Variants in ASTN2 observed in about 807,000 individuals in gnomAD.
ASTN2 encodes the protein astrotactin 2, also known as astrotactin-2.
A neutral mutation model predicts 139.8 loss-of-function variants in ASTN2; 54 were observed. The ratio of observed to expected loss-of-function variants is 0.39; its 90% confidence interval spans 0.31 to 0.48. ASTN2 has a LOEUF of 0.48. Ranked by LOEUF, ASTN2 falls within the 20% of genes least tolerant of loss-of-function variation. The pLI, the probability that ASTN2 is intolerant of heterozygous loss-of-function variation, is 0.95. For synonymous variants in ASTN2, 756 were observed against 719.5 expected, an observed-to-expected ratio of 1.05 and a Z score of -0.81; for missense variants, 1,565 against 1,725.1, an observed-to-expected ratio of 0.91 and a Z score of 1.64.
At chr9:117,389,545 C>A (rs1473458903) in intron 1 of ASTN2, among the ~76,000 whole-genome samples, 1 of 152,142 alleles carries the variant, frequency 6.6e-6, no homozygotes. Flanking sequence ...AGGGTATGGG[C>A]ACCCTTTGTC....
At chr9:116,974,654 G>A (rs749426499) in intron 10 of ASTN2, among the ~76,000 whole-genome samples, 32 of 151,852 alleles carry the variant, frequency 2.1e-4, no homozygotes, top group South Asian at 6.2e-4. Flanking sequence ...GATTATAGGC[G>A]TGCACCATCA....
chr9:117,087,355 C>T, intron 5 of ASTN2, among the ~76,000 whole-genome samples: 1 of 152,060 alleles, frequency 6.6e-6, no homozygotes, highest in East Asian at 1.9e-4. Flanking sequence ...CAGCCTCAGC[C>T]TCCTGAGTAG....
intron 19 of ASTN2, chr9:116,611,058 A>G (rs1308054574): frequency 6.6e-6 from 1 of 152,186 alleles, no homozygotes; most frequent in Non-Finnish European, 1.5e-5. Context: ...AGTCTCAATA[A>G]ATTTAAAATG....
intron 1 of ASTN2, among the ~76,000 whole-genome samples, chr9:117,306,490 C>T (rs77728581): frequency 0.08 from 12,184 of 152,146 alleles, 650 homozygotes; most frequent in South Asian, 0.11. Flanking sequence ...CTGTTTCACC[C>T]GGGGAACGCA....
At chr9:117,115,947 C>T (rs189384192) in intron 4 of ASTN2, among the ~76,000 whole-genome samples, 4 of 151,594 alleles carry the variant, frequency 2.6e-5, no homozygotes, top group South Asian at 2.1e-4. Context: ...ATGGCGTGAA[C>T]CCAGAAGGCG....
chr9:116,888,791 C>T (rs1833683630), intron 10 of ASTN2, among the ~76,000 whole-genome samples: 1 of 152,114 alleles, frequency 6.6e-6, no homozygotes, highest in Non-Finnish European at 1.5e-5. Flanking sequence ...CTGCACCTAT[C>T]AACCCATCAC....
chr9:117,217,955 A>G (rs1191126356), intron 2 of ASTN2, among the ~76,000 whole-genome samples: 1 of 152,212 alleles, frequency 6.6e-6, no homozygotes, highest in African/African-American at 2.4e-5. Context: ...ATCATCCTAC[A>G]TTAAGTTGGA....
At chr9:116,628,277 T>G (rs1856561675) in intron 17 of ASTN2, among the ~76,000 whole-genome samples, 1 of 151,658 alleles carries the variant, frequency 6.6e-6, no homozygotes, top group African/African-American at 2.4e-5. Flanking sequence ...ATGAAAAGAG[T>G]AAAGAGACAA....
chr9:116,645,880 G>T (rs1857564541), intron 17 of ASTN2, among the ~76,000 whole-genome samples: 1 of 152,142 alleles, frequency 6.6e-6, no homozygotes, highest in Admixed American at 6.5e-5. Context: ...TACCAGCAAA[G>T]TTTTCAAGTA....
intron 19 of ASTN2, among the ~76,000 whole-genome samples, chr9:116,512,385 G>C (rs1220718523): frequency 6.6e-6 from 1 of 152,142 alleles, no homozygotes; most frequent in Non-Finnish European, 1.5e-5. Context: ...TTTAATTTCT[G>C]TTCTTTTACA....
In ASTN2 at chr9:116,537,715, C is replaced by A. The variant is rs996891823; in HGVS notation, c.3356-50215G>T. On this transcript the variant is annotated intron_variant, in intron 19 of 22. Transcript: ENST00000313400. ...AAAATCAGAGAACTCCACTGACTAT[C>A]ATAGAATCAGAAGAGCTGAGGCAGA... Among the ~76,000 whole-genome samples the A allele has an allele frequency of 3.0e-4, 46 of 152,182 alleles. 1 individual carries two copies. Among genetic ancestry groups the A allele is most frequent in the Non-Finnish European group, 1.6e-4 (11 of 68,032 alleles).
intron 19 of ASTN2, among the ~76,000 whole-genome samples, chr9:116,593,962 A>C (rs1245799500): frequency 6.6e-6 from 1 of 152,184 alleles, no homozygotes; most frequent in African/African-American, 2.4e-5. Context: ...ATGTGAGTTC[A>C]AACTCACTTT....
chr9:116,651,859 G>A, intron 16 of ASTN2, 66 bp from the exon 17 acceptor site: 1 of 1,553,612 alleles, frequency 6.4e-7, no homozygotes, highest in East Asian at 2.3e-5. Context: ...CCAGACTCTT[G>A]AATTCACAAA....
intron 5 of ASTN2, among the ~76,000 whole-genome samples, chr9:117,090,677 T>C (rs1217574213): frequency 6.6e-6 from 1 of 152,176 alleles, no homozygotes; most frequent in African/African-American, 2.4e-5. Flanking sequence ...GCTTACTCTG[T>C]GAGGCAGGTG....
intron 3 of ASTN2, among the ~76,000 whole-genome samples, chr9:117,154,635 T>TAACAC (rs1472026848): frequency 2.0e-5 from 3 of 152,090 alleles, no homozygotes; most frequent in African/African-American, 7.2e-5. Context: ...AAATTCTGCT[T>TAACAC]AACACATCCT....
At chr9:116,569,482 T>G (rs1178378443) in intron 19 of ASTN2, among the ~76,000 whole-genome samples, 1 of 152,220 alleles carries the variant, frequency 6.6e-6, no homozygotes, top group East Asian at 1.9e-4. Context: ...AGTAAAGAAC[T>G]AGACAATCTC....
At chr9:116,763,844 A>G (rs1829738338) in intron 13 of ASTN2, among the ~76,000 whole-genome samples, 1 of 152,120 alleles carries the variant, frequency 6.6e-6, no homozygotes, top group Non-Finnish European at 1.5e-5. Context: ...CAACATGCAA[A>G]GCACTGAGCT....
At chr9:116,832,940 T>TTTTGTTTATTTA (rs1554752212) in intron 11 of ASTN2, among the ~76,000 whole-genome samples, 1 of 149,822 alleles carries the variant, frequency 6.7e-6, no homozygotes, top group African/African-American at 2.5e-5. Context: ...TTTTGTTTTG[T>TTTTGTTTATTTA]TTTATTTATT....
rs1397238497 is a variant in ASTN2, at chr9:116,510,720, C to A, written c.3356-23220G>T. ...TTCTCCTTGAAGAGGTCCTTCACAT[C>A]CCTTGTAAGTTGGATTCCTAGGTAT... is the stretch of plus-strand genomic sequence containing the variant. On this transcript the variant is annotated intron_variant, in intron 19 of 22. Transcript: ENST00000313400. Among the ~76,000 whole-genome samples, 3 of 152,126 alleles carry A rather than the reference C, an allele frequency of 2.0e-5. No homozygotes were observed. The East Asian group carries it at 5.8e-4, about 29-fold the overall frequency.
Sources: gnomAD v4.1 joint callset for allele counts (sites outside exome capture counted in the v4.1 genomes callset) on GRCh38, gnomAD v4.1.1 for gene constraint, MANE v1.5 for transcripts, NCBI Gene and HGNC (gene_info 2026-07-23, HGNC 2026-07-21) for gene names.